The following MAVS variants were observed in gnomAD, a reference collection of about 807,000 sequenced individuals.
MAVS encodes the protein mitochondrial antiviral signaling protein.
Under a neutral mutation model 30.2 loss-of-function variants are expected in MAVS, and 20 were observed. The observed-to-expected ratio is 0.66, with a 90% confidence interval of 0.47 to 0.96. The LOEUF is 0.96. Ranked by LOEUF, MAVS falls within the 40% of genes least tolerant of loss-of-function variation. MAVS has a pLI of 0.00. For synonymous variants in MAVS, 278 were observed against 293.9 expected (o/e 0.95, Z 0.55); for missense variants, 624 against 701.1 (o/e 0.89, Z 1.24).
rs1172827490 is a variant in MAVS at position 3,866,867 on chromosome 20, T to G, written c.*720T>G. 1.7e-5 allele frequency: 8 copies of G among 457,332 alleles called. No homozygotes were observed. The highest frequency in any genetic ancestry group is 3.1e-5 in the Non-Finnish European group (7 of 226,972). The allele number at this position is 457,332 out of a possible 1,614,324, so 28.3% of individuals were successfully genotyped here. ...ATTCTCTTCAGCTCCCTACATGGGC[T>G]GGGGAGGAGACACCTGGTGGGCAGA... On this transcript the variant is annotated 3_prime_UTR_variant, in exon 7 of 7. Transcript: ENST00000428216.
Position 3,864,529 on chromosome 20 carries a change from C to T in MAVS, c.899C>T (p.Thr300Ile). ...PANSLPSKVP[T>I]TLMPVNTVAL... is the part of the protein sequence containing the mutation. ...AACTCTCTGCCCTCCAAAGTGCCTA[C>T]CACCTTGATGCCTGTGAACACAGTG... Residue 300 changes from threonine (T) to isoleucine (I), a missense_variant, in exon 6 of 7, where the codon ACC becomes ATC. Transcript: ENST00000428216. The T allele has an allele frequency of 6.2e-7, 1 of 1,614,148 alleles. No homozygotes were observed. The highest frequency in any genetic ancestry group is 8.5e-7 in the Non-Finnish European group (1 of 1,180,040).
rs2089973470 is a variant in MAVS, at chr20:3,874,023, C to T, written c.*7876C>T. The stretch of plus-strand genomic sequence containing the variant: ...CAACCCAAATGTCCATCCACCAACC[C>T]AAATGTCCATCCACAGTTGAAGCTA... On this transcript the variant is annotated 3_prime_UTR_variant, in exon 7 of 7. Coordinates refer to ENST00000428216, the MANE Select transcript of MAVS (RefSeq NM_020746.5). 1 of 397,772 alleles carries T rather than the reference C, an allele frequency of 2.5e-6. No individual in the cohort carries two copies. Among genetic ancestry groups the T allele is most frequent in the Admixed American group, 4.4e-5 (1 of 22,544 alleles). The allele number at this position is 397,772 out of a possible 1,614,324, so 24.6% of individuals were successfully genotyped here. A position where few individuals can be genotyped will look rare whatever the true frequency, so the allele number is the denominator to read the frequency against.
In MAVS at chr20:3,865,885, G is replaced by A. The variant is rs2089903481; in HGVS notation, c.1361G>A (p.Gly454Asp). 1 of 1,613,962 alleles carries A rather than the reference G, an allele frequency of 6.2e-7. No individual in the cohort carries two copies. The highest frequency in any genetic ancestry group is 1.7e-5 in the Admixed American group (1 of 60,008). Residue 454 changes from glycine (G) to aspartate (D), a missense_variant, in exon 7 of 7, where the codon GGC becomes GAC. Gly to Asp is a moderately conservative substitution (Grantham distance 94). Transcript: ENST00000428216. The surrounding 1 kb of genome is among the most constrained non-coding windows in gnomAD (Gnocchi z 4.7). Reference sequence around the variant, plus strand: ...TCCTTGGGCATGGGGCCCTGCCATGGCCCAGAGGAGAATGAGTATAAGTCC... The same window carrying A: ...TCCTTGGGCATGGGGCCCTGCCATGACCCAGAGGAGAATGAGTATAAGTCC... ...STSLGMGPCHGPEENEYKSEG... is the reference protein window; with the variant it reads ...STSLGMGPCHDPEENEYKSEG...
intron 1 of MAVS, among the ~76,000 whole-genome samples, chr20:3,851,047 G>A (rs951697521): frequency 3.9e-5 from 6 of 152,052 alleles, no homozygotes; most frequent in Non-Finnish European, 7.4e-5. Flanking sequence ...TTGGCCAGGC[G>A]CGTTGGCTGG....
At chr20:3,863,863 G>C (rs2089884768) in intron 5 of MAVS, among the ~76,000 whole-genome samples, 1 of 152,148 alleles carries the variant, frequency 6.6e-6, no homozygotes, top group African/African-American at 2.4e-5. Context: ...TCCCACTCAT[G>C]GTGGTAGGAG....
Position 3,854,976 on chromosome 20 carries a change from C to A in MAVS, c.117+235C>A, listed in dbSNP as rs528166167. Among the ~76,000 whole-genome samples, 4 of 150,844 alleles carry A rather than the reference C, an allele frequency of 2.7e-5. No individual in the cohort carries two copies. In the South Asian group the frequency reaches 8.3e-4, roughly 31 times the overall value. On this transcript the variant is annotated intron_variant, in intron 2 of 6. Transcript: ENST00000428216. ...CACGATCTTGGCTCATTGCAACCTC[C>A]GCCTCCTGGGTTCAAGTGATTCTCC...
chr20:3,859,910 G>A (rs534337137), intron 3 of MAVS, among the ~76,000 whole-genome samples: 58 of 151,660 alleles, frequency 3.8e-4, no homozygotes, highest in African/African-American at 8.0e-4. Context: ...TCCGCCTCCC[G>A]GGTTCACGCC....
rs1217647280 is a variant in MAVS, at chr20:3,874,536, G to A, written c.*8389G>A. On this transcript the variant is annotated 3_prime_UTR_variant, in exon 7 of 7. Coordinates refer to ENST00000428216, the MANE Select transcript of MAVS (RefSeq NM_020746.5). ...GGAAGGCTCTGGGTGTGCTGTGATT[G>A]GAGATTGTTGGCATGGGGACAGAGC... 3.9e-6 allele frequency: 1 copy of A among 256,212 alleles called. No homozygotes were observed. The highest frequency in any genetic ancestry group is 6.9e-5 in the East Asian group (1 of 14,574). The allele number at this position is 256,212 out of a possible 1,614,324, so 15.9% of individuals were successfully genotyped here. A position where few individuals can be genotyped will look rare whatever the true frequency, so the allele number is the denominator to read the frequency against.
At chr20:3,861,906 G>A (rs531546461) in intron 4 of MAVS, among the ~76,000 whole-genome samples, 3 of 152,180 alleles carry the variant, frequency 2.0e-5, no homozygotes, top group East Asian at 1.9e-4. Context: ...CCACCACCAC[G>A]CCCAGCTAAT....
At position 3,874,392 on chromosome 20, in the gene MAVS, C is replaced by A. The variant is rs1231724983; in HGVS notation, c.*8245C>A. On this transcript the variant is annotated 3_prime_UTR_variant, in exon 7 of 7. Transcript: ENST00000428216. The stretch of plus-strand genomic sequence containing the variant: ...TTGGAGATGTGGAAATAAAAACCAC[C>A]TAAACAAGAGCAGAGAGGCCATTTG... 5.0e-6 allele frequency: 2 copies of A among 396,268 alleles called. No individual in the cohort carries two copies. Among genetic ancestry groups the A allele is most frequent in the Non-Finnish European group, 8.9e-6 (2 of 225,174 alleles). The allele number at this position is 396,268 out of a possible 1,614,324, so 24.5% of individuals were successfully genotyped here. A position where few individuals can be genotyped will look rare whatever the true frequency, so the allele number is the denominator to read the frequency against.
Position 3,865,299 on chromosome 20 carries a change from G to A in MAVS, c.1159-384G>A, listed in dbSNP as rs917382153. Among the ~76,000 whole-genome samples, 2 of 152,154 alleles carry A rather than the reference G, an allele frequency of 1.3e-5. No homozygotes were observed. Among genetic ancestry groups the A allele is most frequent in the African/African-American group, 4.8e-5 (2 of 41,440 alleles). On this transcript the variant is annotated intron_variant, in intron 6 of 6. Coordinates refer to ENST00000428216, the MANE Select transcript of MAVS (RefSeq NM_020746.5). This position sits in a 1 kb window ranked among gnomAD's most constrained non-coding sequence, Gnocchi z 4.7. ...CTCACATCTAACCCTAGCTGCGGCT[G>A]TCTGCTGGGAAGAGCCAAGTCCATA...
intron 5 of MAVS, among the ~76,000 whole-genome samples, chr20:3,863,403 A>G (rs540731455): frequency 4.1e-4 from 63 of 152,296 alleles, no homozygotes; most frequent in Admixed American, 1.2e-3. Flanking sequence ...GGGAGACGTC[A>G]TCTTAGTACT....
chr20:3,856,353 A>AT (rs56232181), intron 2 of MAVS, among the ~76,000 whole-genome samples: 8,937 of 101,376 alleles, frequency 0.088, 963 homozygotes, highest in African/African-American at 0.2. Context: ...TGCGCCCAGC[A>AT]TTTTTTTTTT....
chr20:3,862,689 A>T (rs979149687), intron 5 of MAVS, among the ~76,000 whole-genome samples: 1 of 152,122 alleles, frequency 6.6e-6, no homozygotes. Context: ...GGCTACCTAC[A>T]TGGGCATTTC....
Position 3,867,201 on chromosome 20 carries a change from A to T in MAVS, c.*1054A>T. The T allele has an allele frequency of 2.6e-6, 1 of 380,798 alleles. No individual in the cohort carries two copies. Among genetic ancestry groups the T allele is most frequent in the South Asian group, 1.9e-5 (1 of 51,286 alleles). 23.6% of individuals were successfully genotyped at this position (380,798 alleles called of 1,614,324 possible). ...AGGCCTGCGTCCCAACCTGCCTCTC[A>T]CCAGCTCTGTGACCTTGGGCAAGGG... On this transcript the variant is annotated 3_prime_UTR_variant, in exon 7 of 7. Coordinates refer to ENST00000428216, the MANE Select transcript of MAVS (RefSeq NM_020746.5).
Position 3,857,036 on chromosome 20 carries a change from A to G in MAVS, c.118-599A>G, listed in dbSNP as rs1399175236. 4.2e-5 allele frequency among the ~76,000 whole-genome samples: 5 copies of G among 117,706 alleles called. 1 individual carries two copies. The highest frequency in any genetic ancestry group is 3.2e-4 in the Admixed American group (4 of 12,696). The allele number at this position is 117,706 out of a possible 152,430, so 77.2% of individuals were successfully genotyped here. ...GGGCGACGGAGTGGGACTCCGTCTG[A>G]AAAAAAAAAAAAAAAAAGAAACAAA... On this transcript the variant is annotated intron_variant, in intron 2 of 6. Coordinates refer to ENST00000428216, the MANE Select transcript of MAVS (RefSeq NM_020746.5).
chr20:3,852,881 C>T (rs1318404171), intron 1 of MAVS, among the ~76,000 whole-genome samples: 1 of 146,524 alleles, frequency 6.8e-6, no homozygotes, highest in East Asian at 2.1e-4. Flanking sequence ...ACTCTGCCGC[C>T]CAGGCTGGAG....
chr20:3,855,929 C>T (rs2089805995), intron 2 of MAVS, among the ~76,000 whole-genome samples: 1 of 151,990 alleles, frequency 6.6e-6, no homozygotes, highest in East Asian at 1.9e-4. Context: ...CAGGCGCATG[C>T]CACCACACCT....
rs536580589 is a variant in MAVS at position 3,868,656 on chromosome 20, T to C, written c.*2509T>C. ...TTCAAAAAAAAAAAAAAAGGCAGTA[T>C]GTAGCCCCGAAGACTGTTGCCCAAG... On this transcript the variant is annotated 3_prime_UTR_variant, in exon 7 of 7. Coordinates refer to ENST00000428216, the MANE Select transcript of MAVS (RefSeq NM_020746.5). 1.4e-5 allele frequency: 2 copies of C among 143,610 alleles called. No homozygotes were observed. The highest frequency in any genetic ancestry group is 2.2e-4 in the South Asian group (1 of 4,562). 8.9% of individuals were successfully genotyped at this position (143,610 alleles called of 1,614,324 possible). A position where few individuals can be genotyped will look rare whatever the true frequency, so the allele number is the denominator to read the frequency against.
Sources: allele counts gnomAD v4.1 joint callset (sites outside exome capture counted in the v4.1 genomes callset), GRCh38; gene constraint gnomAD v4.1.1; non-coding constraint Gnocchi (gnomAD v3.1); transcripts MANE v1.5; gene names NCBI Gene and HGNC (gene_info 2026-07-23, HGNC 2026-07-21).